Variants in LAMA1 observed in about 807,000 individuals in gnomAD.
LAMA1 encodes laminin subunit alpha-1.
A neutral mutation model predicts 348.7 loss-of-function variants in LAMA1; 219 were observed. The ratio of observed to expected loss-of-function variants is 0.63; its 90% CI spans 0.56 to 0.70. The LOEUF (loss-of-function observed/expected upper bound fraction) is 0.70. Among genes scored for constraint, LAMA1 ranks in the 30% least tolerant of loss-of-function variants. The probability of loss-of-function intolerance (pLI) is 0.00; values close to 1 mark genes in which losing one functional copy is unlikely to be tolerated. For synonymous variants in LAMA1, 1,487 were observed against 1,491.0 expected (o/e 1.00, Z 0.06); for missense variants, 3,744 against 3,888.0 (o/e 0.96, Z 0.99).
intron 1 of LAMA1, among the ~76,000 whole-genome samples, chr18:7,080,858 T>C (rs1210700812): frequency 6.6e-6 from 1 of 152,008 alleles, no homozygotes; most frequent in East Asian, 1.9e-4. Context: ...CAAAAATAAA[T>C]AAATAAATAA....
At chr18:7,030,063 T>G (rs1159341160) in intron 16 of LAMA1, among the ~76,000 whole-genome samples, 1 of 152,146 alleles carries the variant, frequency 6.6e-6, no homozygotes, top group Non-Finnish European at 1.5e-5. Context: ...ATTTAAATTT[T>G]TATTATTTTT....
chr18:7,011,392 G>A lies in LAMA1; in HGVS notation c.3595C>T (p.Pro1199Ser), dbSNP rs1224602454. Residue 1199 changes from proline (P) to serine (S), a missense_variant, in exon 25 of 63, where the codon CCC (proline) becomes TCC (serine). Physicochemically the swap from Pro to Ser is moderately conservative, Grantham distance 74. This residue lies in a region of LAMA1 where 1,529 missense variants were observed against 1,689.4 expected (regional missense o/e 0.91). Coordinates refer to ENST00000389658, the MANE Select transcript of LAMA1 (RefSeq NM_005559.4). ...GTGGCGGCATCCAGCAGGAAGTCGGGGGCCTGGTAGTAAACCCCCTCGGTC... is the reference window on the plus strand; with the variant it reads ...GTGGCGGCATCCAGCAGGAAGTCGGAGGCCTGGTAGTAAACCCCCTCGGTC... ...GTTEGVYYQAPDFLLDAATVR... is the reference protein window; with the variant it reads ...GTTEGVYYQASDFLLDAATVR... 11 of 1,610,846 alleles carry A rather than the reference G, an allele frequency of 6.8e-6. No homozygotes were observed. Among genetic ancestry groups the A allele is most frequent in the Non-Finnish European group, 9.3e-6 (11 of 1,178,838 alleles).
chr18:7,036,976 G>A (rs1234913690), intron 12 of LAMA1, among the ~76,000 whole-genome samples: 1 of 152,104 alleles, frequency 6.6e-6, no homozygotes, highest in Non-Finnish European at 1.5e-5. Flanking sequence ...GGGGAGGGGG[G>A]AATGGGAACA....
intron 1 of LAMA1, among the ~76,000 whole-genome samples, chr18:7,105,976 G>C (rs2058310209): frequency 6.6e-6 from 1 of 152,164 alleles, no homozygotes; most frequent in African/African-American, 2.4e-5. Context: ...AGGGACAATG[G>C]GGACACAGAA....
At chr18:6,959,552 C>CT in intron 53 of LAMA1, 60 bp from the exon 54 acceptor site, 1 of 1,578,372 alleles carries the variant, frequency 6.3e-7, no homozygotes, top group East Asian at 2.3e-5. Context: ...ATTTAGAAAA[C>CT]TTTCATCTTA....
intron 16 of LAMA1, among the ~76,000 whole-genome samples, chr18:7,030,457 G>A (rs2057963688): frequency 6.6e-6 from 1 of 151,498 alleles, no homozygotes; most frequent in Admixed American, 6.6e-5. Flanking sequence ...AAAGGAGCAT[G>A]AGTGAAAAAC....
chr18:7,009,870 A>G (rs1200908016), intron 26 of LAMA1, among the ~76,000 whole-genome samples: 1 of 152,156 alleles, frequency 6.6e-6, no homozygotes, highest in African/African-American at 2.4e-5. Flanking sequence ...ACAGTGGCAC[A>G]ATCTCGGCTC....
intron 1 of LAMA1, among the ~76,000 whole-genome samples, chr18:7,084,707 G>A (rs16951228): frequency 0.023 from 3,463 of 152,232 alleles, 118 homozygotes; most frequent in African/African-American, 0.079. Flanking sequence ...GTGCATTTCA[G>A]GATCATGTTA....
intron 56 of LAMA1, chr18:6,956,217 C>A: frequency 2.9e-6 from 1 of 339,460 alleles, no homozygotes; most frequent in South Asian, 2.3e-5. Context: ...CAATGGCTGC[C>A]ATTCAAAATA....
chr18:6,948,421 T>G lies in LAMA1; in HGVS notation c.8692A>C (p.Ser2898Arg). 6.2e-7 allele frequency: 1 copy of G among 1,614,200 alleles called. No individual in the cohort carries two copies. Among genetic ancestry groups the G allele is most frequent in the Non-Finnish European group, 8.5e-7 (1 of 1,180,044 alleles). Residue 2898 changes from serine to arginine, a missense_variant, in exon 60 of 63, where the codon AGC becomes CGC. Physicochemically the swap from Ser to Arg is moderately radical, Grantham distance 110. Coordinates refer to ENST00000389658, the MANE Select transcript of LAMA1 (RefSeq NM_005559.4). ...VAQEGTYFDG[S>R]GYAALVKEGY... ...CACATACCAAGAGCTGCATATCCGC[T>G]TCCGTCAAAGTATGTTCCTTCCTGG...
chr18:7,093,752 G>T (rs1236181125), intron 1 of LAMA1, among the ~76,000 whole-genome samples: 1 of 147,966 alleles, frequency 6.8e-6, no homozygotes, highest in African/African-American at 2.5e-5. Flanking sequence ...AGAGAGATAA[G>T]AATTACTGCA....
intron 56 of LAMA1, 24 bp from the exon 57 acceptor site, chr18:6,955,489 T>G (rs1334866779): frequency 6.3e-7 from 1 of 1,584,422 alleles, no homozygotes; most frequent in Non-Finnish European, 8.7e-7. Flanking sequence ...ACAGGGACAC[T>G]CAGCCGCCAC....
At chr18:6,994,399 T>TG (rs2057771407) in intron 34 of LAMA1, among the ~76,000 whole-genome samples, 3 of 152,232 alleles carry the variant, frequency 2.0e-5, no homozygotes, top group African/African-American at 4.8e-5. Context: ...TTTCCAAGAA[T>TG]GTAGAGTAAC....
At chr18:7,038,530 A>G (rs1033945983) in intron 11 of LAMA1, 1 of 479,682 alleles carries the variant, frequency 2.1e-6, no homozygotes, top group Non-Finnish European at 3.8e-6. Flanking sequence ...CGACCTCCCC[A>G]CCCAATCCAT....
At chr18:7,046,244 A>G in intron 6 of LAMA1, 34 bp downstream of exon 6, 1 of 1,347,394 alleles carries the variant, frequency 7.4e-7, no homozygotes, top group Non-Finnish European at 1.1e-6. Flanking sequence ...TTCTGTTTTG[A>G]AGTTTTAGTA....
At chr18:7,056,941 G>A (rs2058084498) in intron 3 of LAMA1, among the ~76,000 whole-genome samples, 2 of 150,802 alleles carry the variant, frequency 1.3e-5, no homozygotes, top group African/African-American at 4.9e-5. Flanking sequence ...GCATGATCTT[G>A]GCTCACTGCA....
chr18:6,992,811 C>A (rs537085528), intron 35 of LAMA1, 91 bp from the exon 36 acceptor site: 14 of 1,079,056 alleles, frequency 1.3e-5, no homozygotes, highest in African/African-American at 3.2e-5. Context: ...CTGAGGACTG[C>A]TCTGTTTACC....
At chr18:6,970,204 G>C (rs766659812) in intron 48 of LAMA1, among the ~76,000 whole-genome samples, 1 of 152,114 alleles carries the variant, frequency 6.6e-6, no homozygotes, top group African/African-American at 2.4e-5. Flanking sequence ...AGCAGGGTGT[G>C]TCATTACCTC....
intron 35 of LAMA1, among the ~76,000 whole-genome samples, chr18:6,993,128 T>C (rs2057765893): frequency 6.6e-6 from 1 of 152,246 alleles, no homozygotes; most frequent in Admixed American, 6.5e-5. Context: ...CCTTACCTTT[T>C]GCCCTATAAA....
Sources: gnomAD v4.1 joint callset for allele counts (sites outside exome capture counted in the v4.1 genomes callset) on GRCh38, gnomAD v4.1.1 for gene constraint, gnomAD v4.1.1 regional missense constraint, MANE v1.5 for transcripts, NCBI Gene and HGNC (gene_info 2026-07-23, HGNC 2026-07-21) for gene names.